The following CELF4 variants were observed in gnomAD, a reference collection of about 807,000 sequenced individuals.
The protein encoded by CELF4 is CUGBP Elav-like family member 4.
A neutral mutation model predicts 59.9 loss-of-function variants in CELF4; 18 were observed. The observed-to-expected ratio is 0.30, with a 90% CI of 0.21 to 0.45. CELF4 has a LOEUF of 0.45. Among genes scored for constraint, CELF4 ranks in the 20% least tolerant of loss-of-function variants. The pLI, the probability that CELF4 is intolerant of heterozygous loss-of-function variation, is 1.00. For missense variants in CELF4, 456 were observed against 689.0 expected (o/e 0.66, Z 3.79); for synonymous variants, 261 against 267.1 (o/e 0.98, Z 0.22).
In CELF4 at chr18:37,274,238, T is replaced by C. The variant is rs560263276; in HGVS notation, c.801+73A>G. 1.9e-4 allele frequency: 299 copies of C among 1,583,660 alleles called. 6 individuals carry two copies. The East Asian group carries it at 6.7e-3, about 35-fold the overall frequency. ...GCAAGGGATAGAGTAGTATTTTCGG[T>C]TTCATGTCCCGCTCTCTGAGGCTCC... is the stretch of plus-strand genomic sequence containing the variant. On this transcript the variant is annotated intron_variant, in intron 6 of 12. Transcript: ENST00000420428.
chr18:37,409,369 T>A (rs1044718116), intron 2 of CELF4, among the ~76,000 whole-genome samples: 4 of 152,056 alleles, frequency 2.6e-5, no homozygotes, highest in African/African-American at 9.7e-5. Context: ...GGAGGAATCT[T>A]GGGGGTATTG....
At chr18:37,458,714 A>G (rs1316106423) in intron 2 of CELF4, among the ~76,000 whole-genome samples, 1 of 151,968 alleles carries the variant, frequency 6.6e-6, no homozygotes, top group African/African-American at 2.4e-5. Context: ...CGGGCATCAC[A>G]TGCAGAGCTC....
intron 2 of CELF4, among the ~76,000 whole-genome samples, chr18:37,333,885 C>T (rs2097664160): frequency 1.3e-5 from 2 of 152,110 alleles, no homozygotes; most frequent in Admixed American, 1.3e-4. Flanking sequence ...TTGGATGGCA[C>T]AGCAACATGA....
intron 1 of CELF4, among the ~76,000 whole-genome samples, chr18:37,546,076 C>T (rs1292588557): frequency 6.6e-6 from 1 of 152,200 alleles, no homozygotes; most frequent in African/African-American, 2.4e-5. Flanking sequence ...CCCACGCTCA[C>T]ACACATTTGC....
rs1364705563 is a variant in CELF4 at position 37,244,339 on chromosome 18, CCTT to C, written c.*900_*902del. The C allele has an allele frequency of 1.3e-5, 2 of 152,464 alleles. No individual in the cohort carries two copies. Among genetic ancestry groups the C allele is most frequent in the African/African-American group, 4.8e-5 (2 of 41,418 alleles). The allele number at this position is 152,464 out of a possible 1,614,324, so 9.4% of individuals were successfully genotyped here. ...CTTGGTAAGTCCCATTTGTTCCCCT[CCTT>C]GTTTTCTCACACTTCACGGGTGAGT... is the stretch of plus-strand genomic sequence containing the variant. On this transcript the variant is annotated 3_prime_UTR_variant, in exon 13 of 13. Coordinates refer to ENST00000420428, the MANE Select transcript of CELF4 (RefSeq NM_020180.4).
At chr18:37,297,076 G>A (rs575660561) in intron 3 of CELF4, among the ~76,000 whole-genome samples, 2 of 152,278 alleles carry the variant, frequency 1.3e-5, no homozygotes, top group Non-Finnish European at 2.9e-5. Context: ...AGGGGAGATT[G>A]AAGGCCAGGC....
intron 2 of CELF4, among the ~76,000 whole-genome samples, chr18:37,413,559 G>T (rs76454268): frequency 7.2e-5 from 11 of 152,134 alleles, no homozygotes; most frequent in Non-Finnish European, 2.9e-5. Flanking sequence ...TTTGGGCATC[G>T]CCTGTTCTAC....
chr18:37,542,791 ACT>A (rs1424615036), intron 1 of CELF4, among the ~76,000 whole-genome samples: 1 of 152,118 alleles, frequency 6.6e-6, no homozygotes, highest in African/African-American at 2.4e-5. Context: ...TGCCATAATA[ACT>A]CATGAAGCCA....
intron 3 of CELF4, among the ~76,000 whole-genome samples, chr18:37,278,431 G>T (rs977678624): frequency 6.6e-6 from 1 of 152,176 alleles, no homozygotes; most frequent in Non-Finnish European, 1.5e-5. Flanking sequence ...TGATTCTAAG[G>T]CTTGTCTCTC....
intron 3 of CELF4, among the ~76,000 whole-genome samples, chr18:37,316,068 G>A (rs1022850278): frequency 6.6e-6 from 1 of 152,130 alleles, no homozygotes; most frequent in Non-Finnish European, 1.5e-5. Flanking sequence ...GCTTCCTAGG[G>A]ACACCCATGG....
intron 2 of CELF4, among the ~76,000 whole-genome samples, chr18:37,382,560 G>A (rs2099052390): frequency 6.6e-6 from 1 of 152,138 alleles, no homozygotes; most frequent in South Asian, 2.1e-4. Context: ...CTTTCACCAG[G>A]CAAAGGTGGT....
intron 8 of CELF4, among the ~76,000 whole-genome samples, chr18:37,266,810 C>A (rs1347110565): frequency 6.6e-6 from 1 of 152,154 alleles, no homozygotes; most frequent in African/African-American, 2.4e-5. Flanking sequence ...TAGACAGTTG[C>A]CCACCCTGGC....
chr18:37,246,443 A>AT lies in CELF4; in HGVS notation c.*45-1247dup, dbSNP rs34285210. 6.6e-6 allele frequency among the ~76,000 whole-genome samples: 1 copy of AT among 151,508 alleles called. No individual in the cohort carries two copies. The highest frequency in any genetic ancestry group is 2.4e-5 in the African/African-American group (1 of 41,296). ...CCAGTCCCCAGCCTCCCCTCCCCAC[A>AT]TTTAATTTAGCAGAAGTGGTTACAA... On this transcript the variant is annotated intron_variant, in intron 12 of 12. Transcript: ENST00000420428. The surrounding 1 kb of genome is among the most constrained non-coding windows in gnomAD (Gnocchi z 5.3).
At chr18:37,401,623 C>A (rs1653391233) in intron 2 of CELF4, among the ~76,000 whole-genome samples, 2 of 152,196 alleles carry the variant, frequency 1.3e-5, no homozygotes, top group Admixed American at 6.5e-5. Context: ...GACTTCCCAG[C>A]CTGTGAGCCA....
chr18:37,296,309 A>G (rs1603292954), intron 3 of CELF4, among the ~76,000 whole-genome samples: 2 of 152,152 alleles, frequency 1.3e-5, no homozygotes, highest in Admixed American at 6.5e-5. Context: ...GAAAGACTAT[A>G]GCCTCCTGAG....
chr18:37,337,298 CA>C, intron 2 of CELF4, among the ~76,000 whole-genome samples: 1 of 152,294 alleles, frequency 6.6e-6, no homozygotes, highest in Admixed American at 6.5e-5. Flanking sequence ...GTGAGCCTCA[CA>C]CCCTCCCCTT....
chr18:37,509,217 C>G (rs1181594527), intron 1 of CELF4, among the ~76,000 whole-genome samples: 1 of 152,250 alleles, frequency 6.6e-6, no homozygotes, highest in African/African-American at 2.4e-5. Flanking sequence ...CCTGCAACCA[C>G]TTATCTATAG....
intron 2 of CELF4, among the ~76,000 whole-genome samples, chr18:37,425,868 A>C (rs2099608915): frequency 6.6e-6 from 1 of 152,212 alleles, no homozygotes; most frequent in Admixed American, 6.5e-5. Context: ...TTTGGTCCCC[A>C]AGAGAGTTGG....
intron 2 of CELF4, among the ~76,000 whole-genome samples, chr18:37,337,685 A>G (rs976654841): frequency 6.6e-6 from 1 of 152,150 alleles, no homozygotes; most frequent in African/African-American, 2.4e-5. Context: ...CGGCCCCTTT[A>G]TCTTCAGCAC....
Sources: gnomAD v4.1 joint callset for allele counts (sites outside exome capture counted in the v4.1 genomes callset) on GRCh38, gnomAD v4.1.1 for gene constraint, Gnocchi (gnomAD v3.1) non-coding constraint, MANE v1.5 for transcripts, NCBI Gene and HGNC (gene_info 2026-07-23, HGNC 2026-07-21) for gene names.